The following THAP4 variants were observed in gnomAD, a reference collection of about 807,000 sequenced individuals.
THAP4 encodes the protein peroxynitrite isomerase THAP4.
Under a neutral mutation model 48.1 loss-of-function variants are expected in THAP4, and 18 were observed. That is an observed-to-expected ratio of 0.37 (90% CI 0.26 to 0.56). The LOEUF (loss-of-function observed/expected upper bound fraction) is 0.56, where lower values mean the gene tolerates loss of function less well. Among genes scored for constraint, THAP4 ranks in the 20% least tolerant of loss-of-function variants. The probability of loss-of-function intolerance (pLI) is 0.78; values close to 1 mark genes in which losing one functional copy is unlikely to be tolerated. For missense variants in THAP4, 656 were observed against 774.9 expected (o/e 0.85, Z 1.82); for synonymous variants, 345 against 324.9 (o/e 1.06, Z -0.66).
In THAP4 at chr2:241,594,266, G is replaced by A. The variant is rs571908767; in HGVS notation, c.1614+7630C>T. ...GGAAGTTGGGGCTGACAGCTAAAGG[G>A]TACCAGGTGTCTTTTTGGGGTATAA... On this transcript the variant is annotated intron_variant, in intron 5 of 5. Coordinates refer to ENST00000407315, the MANE Select transcript of THAP4 (RefSeq NM_015963.6). Among the ~76,000 whole-genome samples, 6 of 152,244 alleles carry A rather than the reference G, an allele frequency of 3.9e-5. No homozygotes were observed. The South Asian group carries it at 1.2e-3, about 32-fold the overall frequency.
intron 2 of THAP4, chr2:241,617,618 C>T: frequency 1.5e-6 from 1 of 650,932 alleles, no homozygotes; most frequent in African/African-American, 1.9e-5. Flanking sequence ...GCCCAGATCA[C>T]AGAATTTCAG....
In THAP4 at chr2:241,584,549, G is replaced by A; in HGVS notation, c.*57C>T. 2 of 1,605,380 alleles carry A rather than the reference G, an allele frequency of 1.2e-6. No individual in the cohort carries two copies. The highest frequency in any genetic ancestry group is 1.7e-4 in the Middle Eastern group (1 of 5,882). ...TGCCGCAGGGACTGTCTGTTGAGGA[G>A]CCGAACCGTTGAGGCACAGTAGCCA... On this transcript the variant is annotated 3_prime_UTR_variant, in exon 6 of 6. Coordinates refer to ENST00000407315, the MANE Select transcript of THAP4 (RefSeq NM_015963.6).
chr2:241,615,236 C>A (rs1364136456), intron 2 of THAP4, among the ~76,000 whole-genome samples: 2 of 152,074 alleles, frequency 1.3e-5, no homozygotes, highest in African/African-American at 4.8e-5. Context: ...GAACCTGGAC[C>A]GCTGGACGTG....
rs776052642 is a variant in THAP4 at position 241,606,489 on chromosome 2, T to C, written c.1241-16A>G. On this transcript the variant is annotated splice_polypyrimidine_tract_variant and intron_variant, in intron 2 of 5. Coordinates refer to ENST00000407315, the MANE Select transcript of THAP4 (RefSeq NM_015963.6). ...TTGGGGGGCTCTGAGGACAAAAGAATGAGACTATCAGTGGCCTCCCTCCAA... is the reference window on the plus strand; with the variant it reads ...TTGGGGGGCTCTGAGGACAAAAGAACGAGACTATCAGTGGCCTCCCTCCAA... 19 of 1,586,956 alleles carry C rather than the reference T, an allele frequency of 1.2e-5. No homozygotes were observed. The South Asian group carries it at 2.2e-4, about 18-fold the overall frequency.
At chr2:241,597,034 T>A (rs2067058772) in intron 5 of THAP4, among the ~76,000 whole-genome samples, 1 of 152,244 alleles carries the variant, frequency 6.6e-6, no homozygotes, top group Non-Finnish European at 1.5e-5. Flanking sequence ...CTACATTAGA[T>A]GGCTTCTTTC....
At chr2:241,587,477 G>T (rs867708201) in intron 5 of THAP4, among the ~76,000 whole-genome samples, 9 of 152,152 alleles carry the variant, frequency 5.9e-5, no homozygotes, top group African/African-American at 2.2e-4. Flanking sequence ...CATGACACTG[G>T]CATCCCAGGG....
rs145500249 is a variant in THAP4, at chr2:241,601,435, G to A, written c.1614+461C>T. Among the ~76,000 whole-genome samples the A allele has an allele frequency of 2.6e-5, 4 of 152,268 alleles. No homozygotes were observed. In the East Asian group the frequency reaches 7.7e-4, roughly 29 times the overall value. ...ATTTCATCTTTTATTTCTCAGATTT[G>A]AAAGGACCGAAATTCTGAAAATACA... On this transcript the variant is annotated intron_variant, in intron 5 of 5. Coordinates refer to ENST00000407315, the MANE Select transcript of THAP4 (RefSeq NM_015963.6). This position sits in a 1 kb window ranked among gnomAD's most constrained non-coding sequence, Gnocchi z 4.0.
intron 5 of THAP4, among the ~76,000 whole-genome samples, chr2:241,593,500 C>A (rs150402612): frequency 3.8e-4 from 58 of 152,266 alleles, no homozygotes; most frequent in African/African-American, 1.3e-3. Context: ...GAGACGCACA[C>A]GGGGACCCGA....
At chr2:241,636,110 T>G (rs1245747142) in intron 1 of THAP4, among the ~76,000 whole-genome samples, 1 of 152,230 alleles carries the variant, frequency 6.6e-6, no homozygotes, top group Non-Finnish European at 1.5e-5. Context: ...GCTGGCTGAC[T>G]TGTGAAATAA....
At chr2:241,606,518 T>C in intron 2 of THAP4, 45 bp from the exon 3 acceptor site, 1 of 1,532,438 alleles carries the variant, frequency 6.5e-7, no homozygotes. Flanking sequence ...CCTCCAACCA[T>C]GCCTTGCTGA....
intron 5 of THAP4, among the ~76,000 whole-genome samples, chr2:241,590,101 C>T (rs909531471): frequency 2.7e-5 from 4 of 150,860 alleles, no homozygotes; most frequent in African/African-American, 7.3e-5. Context: ...CAGAGCTGCT[C>T]GGCTGACGAT....
intron 2 of THAP4, among the ~76,000 whole-genome samples, chr2:241,608,014 C>G (rs1457998094): frequency 6.6e-6 from 1 of 151,582 alleles, no homozygotes; most frequent in South Asian, 2.1e-4. Flanking sequence ...TCCTCCAGGC[C>G]CGCGCAAGCA....
chr2:241,618,662 C>CG (rs1210281635), intron 2 of THAP4, among the ~76,000 whole-genome samples: 1 of 152,110 alleles, frequency 6.6e-6, no homozygotes, highest in East Asian at 1.9e-4. Flanking sequence ...GATCAGCTCA[C>CG]GTGGAGCAGA....
chr2:241,594,893 T>C (rs947271681), intron 5 of THAP4, among the ~76,000 whole-genome samples: 4 of 152,166 alleles, frequency 2.6e-5, no homozygotes, highest in African/African-American at 9.7e-5. Context: ...CAGTGAGTTA[T>C]GATTGTGCCA....
Position 241,617,538 on chromosome 2 carries a change from T to C in THAP4, c.1241-11065A>G, listed in dbSNP as rs1030212872. ...GCAGGAAGTGAATGCTAACTTTAAA[T>C]GGTGCATTCTGGGAATTGTAGTTCC... On this transcript the variant is annotated intron_variant, in intron 2 of 5. Transcript: ENST00000407315. 6.0e-6 allele frequency: 8 copies of C among 1,338,692 alleles called. No homozygotes were observed. The African/African-American group carries it at 1.2e-4, about 20-fold the overall frequency. 82.9% of individuals were successfully genotyped at this position (1,338,692 alleles called of 1,614,324 possible). A position where few individuals can be genotyped will look rare whatever the true frequency, so the allele number is the denominator to read the frequency against.
chr2:241,614,014 C>A (rs1187037068), intron 2 of THAP4, among the ~76,000 whole-genome samples: 1 of 152,008 alleles, frequency 6.6e-6, no homozygotes. Context: ...ATTAGCCAGG[C>A]ATGGTGGTGC....
chr2:241,617,562 C>T lies in THAP4; in HGVS notation c.1241-11089G>A, dbSNP rs532788390. ...ATGGTGCATTCTGGGAATTGTAGTT[C>T]CACTATGAAAGATCACGTCTCAGAA... On this transcript the variant is annotated intron_variant, in intron 2 of 5. Transcript: ENST00000407315. 5 of 1,127,262 alleles carry T rather than the reference C, an allele frequency of 4.4e-6. No homozygotes were observed. In the Admixed American group the frequency reaches 1.0e-4, roughly 23 times the overall value. The allele number at this position is 1,127,262 out of a possible 1,614,324, so 69.8% of individuals were successfully genotyped here.
chr2:241,592,999 T>C (rs897142686), intron 5 of THAP4, among the ~76,000 whole-genome samples: 2 of 152,102 alleles, frequency 1.3e-5, no homozygotes, highest in African/African-American at 4.8e-5. Flanking sequence ...CCACAGCACT[T>C]TGGGAAGCTG....
intron 2 of THAP4, among the ~76,000 whole-genome samples, chr2:241,607,400 G>A (rs1340428433): frequency 6.6e-6 from 1 of 151,898 alleles, no homozygotes; most frequent in Non-Finnish European, 1.5e-5. Context: ...TTTTCTAAGG[G>A]AGACCTGTGC....
Sources: gnomAD v4.1 joint callset for allele counts (sites outside exome capture counted in the v4.1 genomes callset) on GRCh38, gnomAD v4.1.1 for gene constraint, Gnocchi (gnomAD v3.1) non-coding constraint, MANE v1.5 for transcripts, NCBI Gene and HGNC (gene_info 2026-07-23, HGNC 2026-07-21) for gene names.